The following NNAT variants were observed in gnomAD, a reference collection of about 807,000 sequenced individuals.
NNAT encodes the protein neuronatin.
In NNAT, 8 loss-of-function variants were observed where a neutral mutation model predicts 12.7. The observed-to-expected ratio is 0.63, with a 90% CI of 0.37 to 1.14. The LOEUF (loss-of-function observed/expected upper bound fraction) is 1.14, where lower values mean the gene tolerates loss of function less well. Among genes scored for constraint, NNAT ranks in the 50% most tolerant of loss-of-function variants. The pLI, the probability that NNAT is intolerant of heterozygous loss-of-function variation, is 0.01. For missense variants in NNAT, 94 were observed against 108.3 expected, an observed-to-expected ratio of 0.87 and a Z score of 0.59; for synonymous variants, 52 against 48.5, an observed-to-expected ratio of 1.07 and a Z score of -0.30.
In NNAT at chr20:37,523,149, G is replaced by A; in HGVS notation, c.*390G>A. 1 of 187,378 alleles carries A rather than the reference G, an allele frequency of 5.3e-6. No homozygotes were observed. Among genetic ancestry groups the A allele is most frequent in the Non-Finnish European group, 1.1e-5 (1 of 91,268 alleles). 11.6% of individuals were successfully genotyped at this position (187,378 alleles called of 1,614,324 possible). A position where few individuals can be genotyped will look rare whatever the true frequency, so the allele number is the denominator to read the frequency against. On this transcript the variant is annotated 3_prime_UTR_variant, in exon 3 of 3. Coordinates refer to ENST00000649451, the MANE Select transcript of NNAT (RefSeq NM_005386.4). Reference sequence around the variant, plus strand: ...GGAAATCAAAACACCGCACCAGCCAGCAGAATGGACATTCTGACATCGCCA... The same window carrying A: ...GGAAATCAAAACACCGCACCAGCCAACAGAATGGACATTCTGACATCGCCA...
chr20:37,522,669 G>T lies in NNAT; in HGVS notation c.156G>T (p.Val52=). The T allele has an allele frequency of 6.2e-7, 1 of 1,611,018 alleles. No homozygotes were observed. The highest frequency in any genetic ancestry group is 1.1e-5 in the South Asian group (1 of 90,582). Residue 52 remains valine (V), a splice_region_variant and synonymous_variant, in exon 3 of 3, where the codon GTG becomes GTT. Transcript: ENST00000649451. ...GGGTCCTGGGTTTCTCGTCGCAGGT[G>T]TTCAGGTACTCCCTGCAGAAGCTGG... The part of the protein sequence containing the change: ...PGTQPIARSE[V]FRYSLQKLAY...
In NNAT at chr20:37,522,840, A is replaced by C; in HGVS notation, c.*81A>C. On this transcript the variant is annotated 3_prime_UTR_variant, in exon 3 of 3. Transcript: ENST00000649451. ...GCCAGCACGGGAGCCAGTGCCGCGC[A>C]GGAATGTGGGGTCCCCTGTGTTCCC... The C allele has an allele frequency of 7.5e-7, 1 of 1,327,124 alleles. No homozygotes were observed. Among genetic ancestry groups the C allele is most frequent in the East Asian group, 2.5e-5 (1 of 39,432 alleles). The allele number at this position is 1,327,124 out of a possible 1,614,324, so 82.2% of individuals were successfully genotyped here.
At chr20:37,522,598 G>GGGGGGGGGGGGGGGGCCCC in intron 2 of NNAT, 69 bp from the exon 3 acceptor site, 1 of 864,432 alleles carries the variant, frequency 1.2e-6, no homozygotes, top group South Asian at 1.5e-5. Context: ...GCGGGGGTGG[G>GGGGGGGGGGGGGGGGCCCC]CACGGCAGCA....
At position 37,521,621 on chromosome 20, in the gene NNAT, G is replaced by C; in HGVS notation, c.72+218G>C. The C allele has an allele frequency of 1.8e-6, 1 of 561,354 alleles. No individual in the cohort carries two copies. The highest frequency in any genetic ancestry group is 3.2e-6 in the Non-Finnish European group (1 of 314,912). The allele number at this position is 561,354 out of a possible 1,614,324, so 34.8% of individuals were successfully genotyped here. On this transcript the variant is annotated intron_variant, in intron 1 of 2. Transcript: ENST00000649451. The surrounding 1 kb of genome is among the most constrained non-coding windows in gnomAD (Gnocchi z 4.5). ...CCCTAGTGCGCCCGCGCCTGCCAGG[G>C]AACAAAGACTCGGGGCGCGGCGGGC...
rs750251123 is a variant in NNAT at position 37,521,827 on chromosome 20, A to G, written c.72+424A>G. ...ATTGCGGAGAAATTTTATTTAAAAA[A>G]ACATATAGCGCTTGCGGGGGTGGAA... On this transcript the variant is annotated intron_variant, in intron 1 of 2. Coordinates refer to ENST00000649451, the MANE Select transcript of NNAT (RefSeq NM_005386.4). This position sits in a 1 kb window ranked among gnomAD's most constrained non-coding sequence, Gnocchi z 4.5. 1.8e-5 allele frequency: 3 copies of G among 163,398 alleles called. No individual in the cohort carries two copies. Among genetic ancestry groups the G allele is most frequent in the Non-Finnish European group, 4.0e-5 (3 of 75,760 alleles). The allele number at this position is 163,398 out of a possible 1,614,324, so 10.1% of individuals were successfully genotyped here.
Position 37,521,844 on chromosome 20 carries a change from G to A in NNAT, c.72+441G>A, listed in dbSNP as rs1448061433. On this transcript the variant is annotated intron_variant, in intron 1 of 2. Transcript: ENST00000649451. The surrounding 1 kb of genome is among the most constrained non-coding windows in gnomAD (Gnocchi z 4.5). ...TTTAAAAAAACATATAGCGCTTGCG[G>A]GGGTGGAACAAAAAATAAGTTAGAA... 1.9e-4 allele frequency among the ~76,000 whole-genome samples: 29 copies of A among 151,716 alleles called. No homozygotes were observed. The highest frequency in any genetic ancestry group is 3.3e-4 in the Admixed American group (5 of 15,248).
rs911905492 is a variant in NNAT, at chr20:37,521,374, G to A, written c.43G>A (p.Gly15Ser). ...GGCCTCGGCTGAACTGCTCATCATC[G>A]GCTGGTACATCTTCCGCGTGCTGCT... ...AAASAELLII[G>S]WYIFRVLLQV... The change falls in exon 1 of 3, where the codon GGC becomes AGC. Residue 15 changes from glycine (G) to serine (S), a missense_variant. By Grantham distance (56) the Gly-to-Ser change is moderately conservative (BLOSUM62 0). Transcript: ENST00000649451. The surrounding 1 kb of genome is among the most constrained non-coding windows in gnomAD (Gnocchi z 4.5). The A allele has an allele frequency of 1.2e-6, 2 of 1,613,964 alleles. No individual in the cohort carries two copies.
In NNAT at chr20:37,521,586, C is replaced by T. The variant is rs1045294004; in HGVS notation, c.72+183C>T. ...CCCATTCCCTGCGCCGTCCTCCTCG[C>T]GCTGACCCTCCCTAGTGCGCCCGCG... On this transcript the variant is annotated intron_variant, in intron 1 of 2. Transcript: ENST00000649451. The surrounding 1 kb of genome is among the most constrained non-coding windows in gnomAD (Gnocchi z 4.5). 106 of 634,024 alleles carry T rather than the reference C, an allele frequency of 1.7e-4. No homozygotes were observed. Among genetic ancestry groups the T allele is most frequent in the Non-Finnish European group, 2.7e-4 (97 of 362,200 alleles). 39.3% of individuals were successfully genotyped at this position (634,024 alleles called of 1,614,324 possible). A position where few individuals can be genotyped will look rare whatever the true frequency, so the allele number is the denominator to read the frequency against.
rs772183101 is a variant in NNAT at position 37,522,359 on chromosome 20, T to C, written c.74T>C (p.Val25Ala). 6.2e-7 allele frequency: 1 copy of C among 1,613,520 alleles called. No homozygotes were observed. The highest frequency in any genetic ancestry group is 1.1e-5 in the South Asian group (1 of 91,062). ...GWYIFRVLLQVFLECCIYWVG... is the reference protein window; with the variant it reads ...GWYIFRVLLQAFLECCIYWVG... Reference sequence around the variant, plus strand: ...AAGGAATCGCATATTTCCTTCAAGGTGTTCCTGGAATGCTGCATTTACTGG... The same window carrying C: ...AAGGAATCGCATATTTCCTTCAAGGCGTTCCTGGAATGCTGCATTTACTGG... The change falls in exon 2 of 3, where the codon GTG becomes GCG. Residue 25 changes from valine (V) to alanine (A), a missense_variant and splice_region_variant. Physicochemically the swap from Val to Ala is moderately conservative, Grantham distance 64. Transcript: ENST00000649451.
In NNAT at chr20:37,522,855, CCT is replaced by C. The variant is rs2071635826; in HGVS notation, c.*97_*98del. ...AGTGCCGCGCAGGAATGTGGGGTCC[CCT>C]GTGTTCCCTCGCCAGAGGAGCACTT... On this transcript the variant is annotated 3_prime_UTR_variant, in exon 3 of 3. Coordinates refer to ENST00000649451, the MANE Select transcript of NNAT (RefSeq NM_005386.4). 8.8e-7 allele frequency: 1 copy of C among 1,134,050 alleles called. No individual in the cohort carries two copies. The highest frequency in any genetic ancestry group is 2.6e-5 in the East Asian group (1 of 38,156). The allele number at this position is 1,134,050 out of a possible 1,614,324, so 70.2% of individuals were successfully genotyped here.
chr20:37,522,726 G>A lies in NNAT; in HGVS notation c.213G>A (p.Val71=). 1 of 1,611,166 alleles carries A rather than the reference G, an allele frequency of 6.2e-7. No homozygotes were observed. Among genetic ancestry groups the A allele is most frequent in the Non-Finnish European group, 8.5e-7 (1 of 1,179,118 alleles). Residue 71 remains valine (V), a synonymous_variant, in exon 3 of 3, where the codon GTG becomes GTA. Transcript: ENST00000649451. The stretch of plus-strand genomic sequence containing the variant: ...CGGTGTCGCGGACCGGGCGGCAGGT[G>A]TTGGGGGAGCGCAGGCAGCGAGCCC... ...AYTVSRTGRQ[V]LGERRQRAPN
At chr20:37,522,628 G>A in intron 2 of NNAT, 39 bp from the exon 3 acceptor site, 1 of 1,565,330 alleles carries the variant, frequency 6.4e-7, no homozygotes, top group South Asian at 1.2e-5. Context: ...TGCTGTGGGT[G>A]CTCTCCACTA....
At position 37,522,682 on chromosome 20, in the gene NNAT, C is replaced by T. The variant is rs1189025288; in HGVS notation, c.169C>T (p.Leu57=). 3 of 1,612,062 alleles carry T rather than the reference C, an allele frequency of 1.9e-6. No individual in the cohort carries two copies. The highest frequency in any genetic ancestry group is 2.2e-5 in the East Asian group (1 of 44,784). The part of the protein sequence containing the change: ...IARSEVFRYS[L]QKLAYTVSRT... ...CTCGTCGCAGGTGTTCAGGTACTCC[C>T]TGCAGAAGCTGGCATACACGGTGTC... is the stretch of plus-strand genomic sequence containing the variant. The change falls in exon 3 of 3, where the codon CTG becomes TTG. Residue 57 remains leucine (L), a synonymous_variant. Coordinates refer to ENST00000649451, the MANE Select transcript of NNAT (RefSeq NM_005386.4).
At position 37,521,783 on chromosome 20, in the gene NNAT, C is replaced by T. The variant is rs972100100; in HGVS notation, c.72+380C>T. 67 of 180,814 alleles carry T rather than the reference C, an allele frequency of 3.7e-4. No individual in the cohort carries two copies. The highest frequency in any genetic ancestry group is 5.7e-4 in the Non-Finnish European group (50 of 87,574). The allele number at this position is 180,814 out of a possible 1,614,324, so 11.2% of individuals were successfully genotyped here. A position where few individuals can be genotyped will look rare whatever the true frequency, so the allele number is the denominator to read the frequency against. On this transcript the variant is annotated intron_variant, in intron 1 of 2. Coordinates refer to ENST00000649451, the MANE Select transcript of NNAT (RefSeq NM_005386.4). This position sits in a 1 kb window ranked among gnomAD's most constrained non-coding sequence, Gnocchi z 4.5. ...TTACAGCTCGCAGAGTGAAAATTTT[C>T]CACCTTAAAAAATTGCGCATTGCGG...
At chr20:37,522,191 A>AAAT in intron 1 of NNAT, among the ~76,000 whole-genome samples, 167 bp from the exon 2 acceptor site, 2 of 10,270 alleles carry the variant, frequency 1.9e-4, no homozygotes, top group Middle Eastern at 0.12. Context: ...AAAAAAAAAA[A>AAAT]TAATAATAAA....
Position 37,522,428 on chromosome 20 carries a change from C to G in NNAT, c.143C>G (p.Ala48Gly). 6.2e-7 allele frequency: 1 copy of G among 1,613,686 alleles called. No homozygotes were observed. The highest frequency in any genetic ancestry group is 8.5e-7 in the Non-Finnish European group (1 of 1,179,826). ...AATCCTCCAGGGACACAGCCCATTG[C>G]GAGAAGTGAGGTATACCTAAGTTGT... Reference protein sequence around the residue: ...FRNPPGTQPIARSEVFRYSLQ... With the variant: ...FRNPPGTQPIGRSEVFRYSLQ... The change falls in exon 2 of 3, where the codon GCG (alanine) becomes GGG (glycine). Residue 48 changes from alanine to glycine, a missense_variant. Transcript: ENST00000649451.
At position 37,521,567 on chromosome 20, in the gene NNAT, C is replaced by T. The variant is rs2071575646; in HGVS notation, c.72+164C>T. 3 of 697,112 alleles carry T rather than the reference C, an allele frequency of 4.3e-6. No homozygotes were observed. The highest frequency in any genetic ancestry group is 3.5e-5 in the African/African-American group (2 of 56,598). The allele number at this position is 697,112 out of a possible 1,614,324, so 43.2% of individuals were successfully genotyped here. On this transcript the variant is annotated intron_variant, in intron 1 of 2. Transcript: ENST00000649451. This position sits in a 1 kb window ranked among gnomAD's most constrained non-coding sequence, Gnocchi z 4.5. ...CGGCACCGCGCGCCCCCTGCCCATTCCCTGCGCCGTCCTCCTCGCGCTGAC... is the reference window on the plus strand; with the variant it reads ...CGGCACCGCGCGCCCCCTGCCCATTTCCTGCGCCGTCCTCCTCGCGCTGAC...
In NNAT at chr20:37,522,742, C is replaced by G. The variant is rs781301473; in HGVS notation, c.229C>G (p.Gln77Glu). 4 of 1,606,444 alleles carry G rather than the reference C, an allele frequency of 2.5e-6. No homozygotes were observed. The highest frequency in any genetic ancestry group is 2.5e-6 in the Non-Finnish European group (3 of 1,177,128). ...TGRQVLGERR[Q>E]RAPN Reference sequence around the variant, plus strand: ...GCGGCAGGTGTTGGGGGAGCGCAGGCAGCGAGCCCCCAACTGAGGCCCCAG... The same window carrying G: ...GCGGCAGGTGTTGGGGGAGCGCAGGGAGCGAGCCCCCAACTGAGGCCCCAG... Residue 77 changes from glutamine to glutamate, a missense_variant, in exon 3 of 3, where the codon CAG becomes GAG. Coordinates refer to ENST00000649451, the MANE Select transcript of NNAT (RefSeq NM_005386.4).
rs1252186983 is a variant in NNAT at position 37,521,800 on chromosome 20, G to A, written c.72+397G>A. 2 of 171,876 alleles carry A rather than the reference G, an allele frequency of 1.2e-5. No homozygotes were observed. Among genetic ancestry groups the A allele is most frequent in the African/African-American group, 4.7e-5 (2 of 42,152 alleles). The allele number at this position is 171,876 out of a possible 1,614,324, so 10.6% of individuals were successfully genotyped here. Reference sequence around the variant, plus strand: ...AAAATTTTCCACCTTAAAAAATTGCGCATTGCGGAGAAATTTTATTTAAAA... The same window carrying A: ...AAAATTTTCCACCTTAAAAAATTGCACATTGCGGAGAAATTTTATTTAAAA... On this transcript the variant is annotated intron_variant, in intron 1 of 2. Transcript: ENST00000649451. This position sits in a 1 kb window ranked among gnomAD's most constrained non-coding sequence, Gnocchi z 4.5.
Sources: allele counts gnomAD v4.1 joint callset (sites outside exome capture counted in the v4.1 genomes callset), GRCh38; gene constraint gnomAD v4.1.1; non-coding constraint Gnocchi (gnomAD v3.1); transcripts MANE v1.5; gene names NCBI Gene and HGNC (gene_info 2026-07-23, HGNC 2026-07-21).